Variants in SPTBN4 observed in about 807,000 individuals in gnomAD.
SPTBN4 encodes spectrin beta, non-erythrocytic 4, also known as spectrin beta chain, non-erythrocytic 4.
SPTBN4 carries 96 observed loss-of-function variants against 277.8 expected under a neutral mutation model. That is an observed-to-expected ratio of 0.35 (90% CI 0.29 to 0.41). SPTBN4 has a LOEUF of 0.41. Among genes scored for constraint, SPTBN4 ranks in the 10% least tolerant of loss-of-function variants. The probability of loss-of-function intolerance (pLI) is 1.00; values close to 1 mark genes in which losing one functional copy is unlikely to be tolerated. For synonymous variants in SPTBN4, 1,481 were observed against 1,580.3 expected (o/e 0.94, Z 1.49); for missense variants, 3,006 against 3,595.7 (o/e 0.84, Z 4.19).
At chr19:40,546,254 GAAAA>G (rs2080859208) in intron 20 of SPTBN4, among the ~76,000 whole-genome samples, 1 of 149,416 alleles carries the variant, frequency 6.7e-6, no homozygotes. Context: ...AAGAAAGAAA[GAAAA>G]GAAAAAAGAA....
Position 40,523,511 on chromosome 19 carries a change from C to T in SPTBN4, c.3729C>T (p.Asp1243=), listed in dbSNP as rs1034275267. The stretch of plus-strand genomic sequence containing the variant: ...AGGAGGCCTTGAAACAGCACCGTGA[C>T]TTTCTCACCACCATGGAGCTGAGCC... The part of the protein sequence containing the change: ...SVEEALKQHR[D]FLTTMELSQQ... Residue 1243 remains aspartate (D), a synonymous_variant, in exon 17 of 36, where the codon GAC becomes GAT. Transcript: ENST00000598249. 32 of 1,614,018 alleles carry T rather than the reference C, an allele frequency of 2.0e-5. No homozygotes were observed. Among genetic ancestry groups the T allele is most frequent in the African/African-American group, 4.0e-5 (3 of 74,946 alleles).
chr19:40,566,392 AC>A, intron 30 of SPTBN4, 33 bp downstream of exon 30: 2 of 1,435,338 alleles, frequency 1.4e-6, no homozygotes. Flanking sequence ...CATTACCCCC[AC>A]CCCCACCAAG....
rs1304926697 is a variant in SPTBN4 at position 40,560,479 on chromosome 19, C to T, written c.5915+76C>T. On this transcript the variant is annotated intron_variant, in intron 27 of 35. Transcript: ENST00000598249. This position sits in a 1 kb window ranked among gnomAD's most constrained non-coding sequence, Gnocchi z 5.2. ...CAGCCACCCCCAGCCCATTGACAGCCCCCTTCTCAATGGAATGACAACAGC... is the reference window on the plus strand; with the variant it reads ...CAGCCACCCCCAGCCCATTGACAGCTCCCTTCTCAATGGAATGACAACAGC... 6.2e-7 allele frequency: 1 copy of T among 1,606,276 alleles called. No homozygotes were observed. Among genetic ancestry groups the T allele is most frequent in the Admixed American group, 1.7e-5 (1 of 59,796 alleles).
intron 29 of SPTBN4, 133 bp from the exon 30 acceptor site, chr19:40,566,030 T>C: frequency 2.1e-6 from 2 of 947,356 alleles, no homozygotes; most frequent in Non-Finnish European, 3.1e-6. Flanking sequence ...CCTCTGCCAT[T>C]CCTGCAGAGC....
intron 20 of SPTBN4, among the ~76,000 whole-genome samples, chr19:40,542,216 C>G (rs1039205136): frequency 1.4e-4 from 21 of 152,220 alleles, no homozygotes; most frequent in Non-Finnish European, 2.6e-4. Context: ...GCCACCACCC[C>G]AGTCTCTCTG....
At chr19:40,530,688 G>T in intron 18 of SPTBN4, 17 of 561,426 alleles carry the variant, frequency 3.0e-5, no homozygotes, top group Non-Finnish European at 3.8e-5. Context: ...GGCCGCGGGA[G>T]GGAGGGGCGG....
At chr19:40,544,196 G>A (rs1332448196) in intron 20 of SPTBN4, among the ~76,000 whole-genome samples, 3 of 148,866 alleles carry the variant, frequency 2.0e-5, no homozygotes, top group South Asian at 2.1e-4. Context: ...AAGCCGGAGC[G>A]CAATGGCGCG....
intron 20 of SPTBN4, among the ~76,000 whole-genome samples, chr19:40,548,352 A>G (rs1165864): frequency 0.44 from 66,257 of 152,002 alleles, 15,242 homozygotes; most frequent in African/African-American, 0.48. Flanking sequence ...TTAGCAAGGC[A>G]TGGTGTCAGG....
chr19:40,538,043 T>C (rs1005976890), intron 20 of SPTBN4, among the ~76,000 whole-genome samples: 3 of 152,300 alleles, frequency 2.0e-5, no homozygotes, highest in East Asian at 3.9e-4. Flanking sequence ...GAAAAGTTAT[T>C]GGAACTTGGA....
intron 6 of SPTBN4, 51 bp from the exon 7 acceptor site, chr19:40,497,438 C>G (rs1377389669): frequency 1.4e-6 from 2 of 1,429,854 alleles, no homozygotes; most frequent in Non-Finnish European, 2.0e-6. Context: ...CCTGCTTGCC[C>G]GCCGGCTCTG....
Position 40,575,601 on chromosome 19 carries a change from C to T in SPTBN4, c.*32C>T, listed in dbSNP as rs199710955. On this transcript the variant is annotated 3_prime_UTR_variant, in exon 36 of 36. Coordinates refer to ENST00000598249, the MANE Select transcript of SPTBN4 (RefSeq NM_020971.3). The stretch of plus-strand genomic sequence containing the variant: ...ACCCCCAGGACCTGACACATCTCGT[C>T]TCCCCTCTTTTCCGCACTGTGGGCA... 1.4e-5 allele frequency: 23 copies of T among 1,591,212 alleles called. No homozygotes were observed. In the East Asian group the frequency reaches 4.7e-4, roughly 33 times the overall value.
intron 17 of SPTBN4, among the ~76,000 whole-genome samples, chr19:40,524,283 T>C (rs1011547275): frequency 6.6e-6 from 1 of 151,642 alleles, no homozygotes; most frequent in African/African-American, 2.4e-5. Flanking sequence ...GACGGGAGGA[T>C]TGCTTGTGCT....
At chr19:40,493,607 T>G (rs996273695) in intron 5 of SPTBN4, among the ~76,000 whole-genome samples, 3 of 152,052 alleles carry the variant, frequency 2.0e-5, no homozygotes, top group Non-Finnish European at 4.4e-5. Context: ...TCGTAGCTTC[T>G]CAGGTTCCCA....
rs1457156565 is a variant in SPTBN4 at position 40,502,086 on chromosome 19, AC to A, written c.898-41del. 6.2e-7 allele frequency: 1 copy of A among 1,613,572 alleles called. No homozygotes were observed. The highest frequency in any genetic ancestry group is 8.5e-7 in the Non-Finnish European group (1 of 1,179,846). ...GGGAAGCTGGAAGCTGGTGGCAGGC[AC>A]GGGTGGGATGAGGCTGACCCCCCTT... On this transcript the variant is annotated intron_variant, in intron 8 of 35. Coordinates refer to ENST00000598249, the MANE Select transcript of SPTBN4 (RefSeq NM_020971.3). The surrounding 1 kb of genome is among the most constrained non-coding windows in gnomAD (Gnocchi z 4.9).
rs573525336 is a variant in SPTBN4, at chr19:40,482,448, G to A, written c.170-5249G>A. ...ACTGAAATGCCCACCAAGACCAGACGGGCTGCATACACTGAGAGAACTGGG... is the reference window on the plus strand; with the variant it reads ...ACTGAAATGCCCACCAAGACCAGACAGGCTGCATACACTGAGAGAACTGGG... On this transcript the variant is annotated intron_variant, in intron 2 of 35. Coordinates refer to ENST00000598249, the MANE Select transcript of SPTBN4 (RefSeq NM_020971.3). Among the ~76,000 whole-genome samples the A allele has an allele frequency of 2.8e-4, 42 of 152,170 alleles. 1 individual carries two copies. The South Asian group carries it at 8.3e-3, about 30-fold the overall frequency.
chr19:40,567,219 G>A (rs1568380107), intron 30 of SPTBN4: 1 of 437,516 alleles, frequency 2.3e-6, no homozygotes, highest in Non-Finnish European at 4.6e-6. Context: ...GATCACTTGA[G>A]CACTGGAGGT....
At chr19:40,482,778 A>G (rs1414695470) in intron 2 of SPTBN4, among the ~76,000 whole-genome samples, 1 of 151,930 alleles carries the variant, frequency 6.6e-6, no homozygotes, top group Non-Finnish European at 1.5e-5. Context: ...CCTGACCAAC[A>G]TGGAGAAACC....
Position 40,529,099 on chromosome 19 carries a change from G to A in SPTBN4, c.3916G>A (p.Glu1306Lys). 6.2e-6 allele frequency: 10 copies of A among 1,614,120 alleles called. No individual in the cohort carries two copies. Among genetic ancestry groups the A allele is most frequent in the Middle Eastern group, 3.3e-4 (2 of 6,062 alleles). The change falls in exon 18 of 36, where the codon GAG (glutamate) becomes AAG (lysine). Residue 1306 changes from glutamate to lysine, a missense_variant. By Grantham distance (56) the Glu-to-Lys change is moderately conservative. Around this residue, in one of 5 missense-constraint regions of SPTBN4, gnomAD observed 1,759 missense variants for 2,061.5 expected, o/e 0.85. Coordinates refer to ENST00000598249, the MANE Select transcript of SPTBN4 (RefSeq NM_020971.3). ...GATGCAAAAGCTACATGACCAACTT[G>A]AGCTGCAGCACTTCCTCCGAGACTG... Reference protein sequence around the residue: ...QWMQKLHDQLELQHFLRDCHE... With the variant: ...QWMQKLHDQLKLQHFLRDCHE...
intron 13 of SPTBN4, 152 bp downstream of exon 13, chr19:40,506,538 G>T: frequency 4.0e-6 from 5 of 1,242,286 alleles, no homozygotes; most frequent in Non-Finnish European, 5.4e-6. Flanking sequence ...CACTGGGGAA[G>T]TCATAGGGAG....
Sources: allele counts gnomAD v4.1 joint callset (sites outside exome capture counted in the v4.1 genomes callset), GRCh38; gene constraint gnomAD v4.1.1; regional missense constraint gnomAD v4.1.1; non-coding constraint Gnocchi (gnomAD v3.1); transcripts MANE v1.5; gene names NCBI Gene and HGNC (gene_info 2026-07-23, HGNC 2026-07-21).